The following XYLT1 variants were observed in gnomAD, a reference collection of about 807,000 sequenced individuals.
The protein encoded by XYLT1 is beta-D-xylosyltransferase 1.
In XYLT1, 36 loss-of-function variants were observed where a neutral mutation model predicts 91.3. The ratio of observed to expected loss-of-function variants is 0.39; its 90% confidence interval spans 0.30 to 0.52. The LOEUF is 0.52. Among genes scored for constraint, XYLT1 ranks in the 20% least tolerant of loss-of-function variants. The pLI is 0.68. For missense variants in XYLT1, 1,242 were observed against 1,284.5 expected (o/e 0.97, Z 0.51); for synonymous variants, 588 against 532.0 (o/e 1.11, Z -1.45).
intron 2 of XYLT1, among the ~76,000 whole-genome samples, chr16:17,284,929 AGAGAG>A (rs1476936492): frequency 2.0e-5 from 3 of 152,202 alleles, no homozygotes; most frequent in African/African-American, 7.2e-5. Flanking sequence ...CTGGGTACAC[AGAGAG>A]GAGAGAAGTC....
At chr16:17,240,996 A>G (rs915935142) in intron 3 of XYLT1, among the ~76,000 whole-genome samples, 3 of 152,180 alleles carry the variant, frequency 2.0e-5, no homozygotes, top group Non-Finnish European at 4.4e-5. Context: ...CACATTTCAC[A>G]GGATCCTATT....
intron 1 of XYLT1, among the ~76,000 whole-genome samples, chr16:17,376,822 T>C (rs1376729627): frequency 1.9e-4 from 14 of 75,536 alleles, no homozygotes; most frequent in East Asian, 1.1e-3. Flanking sequence ...AGCAAAACTC[T>C]GTCTCAAAAA....
intron 6 of XYLT1, among the ~76,000 whole-genome samples, chr16:17,149,744 G>T (rs2031236830): frequency 1.3e-5 from 2 of 152,190 alleles, no homozygotes; most frequent in South Asian, 4.1e-4. Flanking sequence ...CCTGGAATCA[G>T]ATTACTTGGC....
chr16:17,328,574 AAAG>A (rs1336846059), intron 2 of XYLT1, among the ~76,000 whole-genome samples: 1 of 150,590 alleles, frequency 6.6e-6, no homozygotes, highest in Non-Finnish European at 1.5e-5. Context: ...AAAAAAAAAA[AAAG>A]AAGGTGTGAT....
At chr16:17,225,965 C>T (rs903444478) in intron 3 of XYLT1, among the ~76,000 whole-genome samples, 2 of 151,874 alleles carry the variant, frequency 1.3e-5, no homozygotes, top group Admixed American at 1.3e-4. Context: ...AGAACATCTG[C>T]AAAAAATTAT....
chr16:17,349,140 C>G (rs12599966), intron 2 of XYLT1, among the ~76,000 whole-genome samples: 1 of 152,302 alleles, frequency 6.6e-6, no homozygotes, highest in Middle Eastern at 3.4e-3. Context: ...CAGGGCAAAC[C>G]GTGCCACAGC....
rs544473447 is a variant in XYLT1 at position 17,277,526 on chromosome 16, A to AT, written c.403-18029dup. Among the ~76,000 whole-genome samples the AT allele has an allele frequency of 9.6e-3, 1,454 of 152,068 alleles. 11 individuals carry two copies. Among genetic ancestry groups the AT allele is most frequent in the South Asian group, 0.015 (74 of 4,800 alleles). On this transcript the variant is annotated intron_variant, in intron 2 of 11. Transcript: ENST00000261381. ...TGCCTCAGCCTCCTGAGTAGGTGGG[A>AT]TTACAGGGATGCACCACCACACCCA...
At chr16:17,254,887 A>C (rs2033605821) in intron 3 of XYLT1, among the ~76,000 whole-genome samples, 1 of 152,178 alleles carries the variant, frequency 6.6e-6, no homozygotes, top group African/African-American at 2.4e-5. Flanking sequence ...AGAATTCTTC[A>C]AGGGTCAACT....
At chr16:17,379,221 C>A (rs1183908337) in intron 1 of XYLT1, among the ~76,000 whole-genome samples, 5 of 152,218 alleles carry the variant, frequency 3.3e-5, no homozygotes, top group Non-Finnish European at 7.3e-5. Flanking sequence ...AAGGAGACAC[C>A]TCCTAAAATA....
At chr16:17,385,269 T>TACACACACAC (rs566134163) in intron 1 of XYLT1, among the ~76,000 whole-genome samples, 92 of 119,928 alleles carry the variant, frequency 7.7e-4, no homozygotes, top group South Asian at 1.6e-3. Context: ...TAAACACACA[T>TACACACACAC]ACACACACAC....
intron 2 of XYLT1, among the ~76,000 whole-genome samples, chr16:17,345,302 C>G (rs1176795407): frequency 6.6e-6 from 1 of 152,240 alleles, no homozygotes; most frequent in Non-Finnish European, 1.5e-5. Context: ...CCTGGTATTT[C>G]AACTCGTGCT....
intron 10 of XYLT1, among the ~76,000 whole-genome samples, chr16:17,118,285 C>CGAATGAATGAAT (rs10524608): frequency 0.5 from 75,668 of 151,208 alleles, 22,359 homozygotes; most frequent in Non-Finnish European, 0.65. Flanking sequence ...AATGAATGAA[C>CGAATGAATGAAT]GAATGAATGA....
chr16:17,312,051 G>T lies in XYLT1; in HGVS notation c.402+45961C>A, dbSNP rs949459875. On this transcript the variant is annotated intron_variant, in intron 2 of 11. Coordinates refer to ENST00000261381, the MANE Select transcript of XYLT1 (RefSeq NM_022166.4). The surrounding 1 kb of genome is among the most constrained non-coding windows in gnomAD (Gnocchi z 4.4). ...GACACAACCAAACCATATCAATGGGGGTTTAAGCAGAGGTCTGAGGCCCAG... is the reference window on the plus strand; with the variant it reads ...GACACAACCAAACCATATCAATGGGTGTTTAAGCAGAGGTCTGAGGCCCAG... Among the ~76,000 whole-genome samples, 1 of 152,108 alleles carries T rather than the reference G, an allele frequency of 6.6e-6. No homozygotes were observed. Among genetic ancestry groups the T allele is most frequent in the Non-Finnish European group, 1.5e-5 (1 of 68,018 alleles).
chr16:17,287,442 C>T (rs1002817080), intron 2 of XYLT1, among the ~76,000 whole-genome samples: 1 of 152,206 alleles, frequency 6.6e-6, no homozygotes, highest in Non-Finnish European at 1.5e-5. Flanking sequence ...GAAGGTAACT[C>T]TGCACCATGA....
intron 2 of XYLT1, among the ~76,000 whole-genome samples, chr16:17,342,885 T>C (rs543125588): frequency 1.4e-4 from 22 of 152,302 alleles, no homozygotes; most frequent in Admixed American, 6.5e-4. Context: ...ATCAATATTA[T>C]CACATGATAA....
chr16:17,222,659 G>A (rs758215310), intron 3 of XYLT1, among the ~76,000 whole-genome samples: 3 of 151,858 alleles, frequency 2.0e-5, no homozygotes, highest in Admixed American at 6.6e-5. Flanking sequence ...GCACAGTGGT[G>A]TACACCCATA....
chr16:17,321,400 C>G (rs1336355463), intron 2 of XYLT1, among the ~76,000 whole-genome samples: 2 of 107,940 alleles, frequency 1.9e-5, no homozygotes, highest in Admixed American at 2.8e-4. Context: ...CTTTGTCATC[C>G]AGGCTGGAGT....
At chr16:17,231,572 T>G (rs2033157218) in intron 3 of XYLT1, among the ~76,000 whole-genome samples, 1 of 152,148 alleles carries the variant, frequency 6.6e-6, no homozygotes, top group Non-Finnish European at 1.5e-5. Flanking sequence ...TTATGAGATT[T>G]TGTTGCTGTG....
chr16:17,357,184 A>AC (rs1163796419), intron 2 of XYLT1, among the ~76,000 whole-genome samples: 6 of 142,010 alleles, frequency 4.2e-5, no homozygotes, highest in Non-Finnish European at 6.0e-5. Flanking sequence ...AAAAAAAAAA[A>AC]AAAAAAAAAA....
Sources: gnomAD v4.1 joint callset for allele counts (sites outside exome capture counted in the v4.1 genomes callset) on GRCh38, gnomAD v4.1.1 for gene constraint, Gnocchi (gnomAD v3.1) non-coding constraint, MANE v1.5 for transcripts, NCBI Gene and HGNC (gene_info 2026-07-23, HGNC 2026-07-21) for gene names.